Variants in ARHGEF38 observed in about 807,000 individuals in gnomAD.
ARHGEF38 encodes the protein Rho guanine nucleotide exchange factor (GEF) 38.
In ARHGEF38, 79 loss-of-function variants were observed where a neutral mutation model predicts 79.9. That is an observed-to-expected ratio of 0.99 (90% CI 0.82 to 1.19). The LOEUF (loss-of-function observed/expected upper bound fraction) is 1.19. Ranked by LOEUF, ARHGEF38 falls within the 50% of genes most tolerant of loss-of-function variation. ARHGEF38 has a pLI of 0.00. For missense variants in ARHGEF38, 962 were observed against 907.2 expected (o/e 1.06, Z -0.78); for synonymous variants, 366 against 328.3 (o/e 1.11, Z -1.24).
At chr4:105,600,539 T>C (rs1727776691) in intron 2 of ARHGEF38, among the ~76,000 whole-genome samples, 1 of 152,210 alleles carries the variant, frequency 6.6e-6, no homozygotes, top group African/African-American at 2.4e-5. Flanking sequence ...TTCTCTCTTT[T>C]GTCCACATTA....
intron 1 of ARHGEF38, among the ~76,000 whole-genome samples, chr4:105,568,894 A>C (rs1348624569): frequency 6.6e-6 from 1 of 152,192 alleles, no homozygotes. Flanking sequence ...TTTTAGGGTG[A>C]GGGCAAGTGC....
chr4:105,675,214 A>G (rs1731078936), intron 13 of ARHGEF38, among the ~76,000 whole-genome samples: 1 of 152,212 alleles, frequency 6.6e-6, no homozygotes. Flanking sequence ...CATTATGAGA[A>G]ATGGACCAAG....
At chr4:105,646,337 A>G (rs1050455263) in intron 6 of ARHGEF38, among the ~76,000 whole-genome samples, 1 of 152,226 alleles carries the variant, frequency 6.6e-6, no homozygotes, top group Non-Finnish European at 1.5e-5. Context: ...CATTAAATCA[A>G]TAAAAAAACA....
At chr4:105,648,819 CCTCTCT>C (rs71586108) in intron 7 of ARHGEF38, 137 bp downstream of exon 7, 124 of 491,076 alleles carry the variant, frequency 2.5e-4, no homozygotes, top group Middle Eastern at 6.9e-4. Context: ...CTCTTGTCTC[CCTCTCT>C]CTCTCTCTCT....
chr4:105,591,324 G>A (rs768319928), intron 2 of ARHGEF38, among the ~76,000 whole-genome samples: 2 of 152,138 alleles, frequency 1.3e-5, no homozygotes, highest in African/African-American at 2.4e-5. Flanking sequence ...CGCCTCCCGG[G>A]TTCATGCCAT....
At chr4:105,668,900 G>T (rs1013412145) in intron 13 of ARHGEF38, among the ~76,000 whole-genome samples, 29 of 152,040 alleles carry the variant, frequency 1.9e-4, no homozygotes, top group Admixed American at 1.6e-3. Flanking sequence ...AAAAAAATTA[G>T]CCAAGAGTGG....
intron 1 of ARHGEF38, among the ~76,000 whole-genome samples, chr4:105,584,246 T>A (rs1161407762): frequency 1.3e-5 from 2 of 152,218 alleles, no homozygotes; most frequent in African/African-American, 4.8e-5. Flanking sequence ...TCTGTAAATA[T>A]GTGTATTTGT....
intron 3 of ARHGEF38, among the ~76,000 whole-genome samples, chr4:105,623,763 T>C (rs1017188254): frequency 3.2e-4 from 48 of 152,312 alleles, no homozygotes; most frequent in African/African-American, 1.2e-3. Context: ...CCAATTTATA[T>C]TAGTAACTCT....
intron 13 of ARHGEF38, among the ~76,000 whole-genome samples, chr4:105,670,188 A>T (rs940234624): frequency 6.6e-6 from 1 of 152,154 alleles, no homozygotes; most frequent in Non-Finnish European, 1.5e-5. Flanking sequence ...GTATGTTTAA[A>T]TTTTTAAGAA....
chr4:105,666,869 A>C (rs1730770753), intron 11 of ARHGEF38, among the ~76,000 whole-genome samples: 1 of 152,190 alleles, frequency 6.6e-6, no homozygotes, highest in Admixed American at 6.5e-5. Context: ...TCCAAGAGGG[A>C]TTAGAACCTC....
intron 1 of ARHGEF38, chr4:105,561,479 A>AGAATGGAATAGAATGGAATG (rs1560684620): frequency 1.9e-5 from 1 of 53,350 alleles, no homozygotes; most frequent in South Asian, 5.1e-4. Context: ...AGAATAGAAT[A>AGAATGGAATAGAATGGAATG]GAATAGAATA....
At chr4:105,588,009 G>C (rs1224700534) in intron 1 of ARHGEF38, among the ~76,000 whole-genome samples, 1 of 152,206 alleles carries the variant, frequency 6.6e-6, no homozygotes, top group Non-Finnish European at 1.5e-5. Context: ...GCTGAAGTTA[G>C]TGGACCAGAG....
chr4:105,574,903 C>T (rs975734340), intron 1 of ARHGEF38, among the ~76,000 whole-genome samples: 3 of 151,896 alleles, frequency 2.0e-5, no homozygotes, highest in African/African-American at 7.2e-5. Flanking sequence ...CAGGTTGCTG[C>T]AAAAGACATT....
intron 1 of ARHGEF38, among the ~76,000 whole-genome samples, chr4:105,585,798 C>T (rs749353948): frequency 2.4e-5 from 3 of 127,152 alleles, no homozygotes; most frequent in African/African-American, 8.8e-5. Context: ...ATGGCACTAT[C>T]TCGGCTCACT....
At chr4:105,601,093 AC>A (rs2110475269) in intron 2 of ARHGEF38, among the ~76,000 whole-genome samples, 1 of 151,924 alleles carries the variant, frequency 6.6e-6, no homozygotes, top group Non-Finnish European at 1.5e-5. Flanking sequence ...TCTACTCAAA[AC>A]CCTCCAATGA....
intron 4 of ARHGEF38, among the ~76,000 whole-genome samples, chr4:105,635,369 A>G (rs1246367353): frequency 4.6e-5 from 7 of 152,086 alleles, no homozygotes; most frequent in South Asian, 2.1e-4. Flanking sequence ...CCCTTTCATA[A>G]AGCGTTATAC....
chr4:105,595,524 C>G (rs1044715929), intron 2 of ARHGEF38, among the ~76,000 whole-genome samples: 4 of 151,950 alleles, frequency 2.6e-5, no homozygotes, highest in African/African-American at 9.6e-5. Context: ...GAAATAAGCA[C>G]AATAATTATT....
chr4:105,640,464 T>C (rs1729573243), intron 5 of ARHGEF38, among the ~76,000 whole-genome samples: 1 of 152,116 alleles, frequency 6.6e-6, no homozygotes, highest in Non-Finnish European at 1.5e-5. Flanking sequence ...ACCAGATGCA[T>C]TATGTATGCT....
chr4:105,612,530 A>G (rs1440889352), intron 2 of ARHGEF38, among the ~76,000 whole-genome samples: 2 of 152,154 alleles, frequency 1.3e-5, no homozygotes, highest in Non-Finnish European at 2.9e-5. Flanking sequence ...GCCTGCACCA[A>G]TACGGCTGTG....
Sources: allele counts gnomAD v4.1 joint callset (sites outside exome capture counted in the v4.1 genomes callset), GRCh38; gene constraint gnomAD v4.1.1; transcripts MANE v1.5; gene names NCBI Gene and HGNC (gene_info 2026-07-23, HGNC 2026-07-21).